The following AKT3 variants were observed in gnomAD, a reference collection of about 807,000 sequenced individuals.
AKT3 encodes the protein RAC-gamma serine/threonine-protein kinase.
A neutral mutation model predicts 65.3 loss-of-function variants in AKT3; 15 were observed. The ratio of observed to expected loss-of-function variants is 0.23; its 90% CI spans 0.15 to 0.35. The LOEUF (loss-of-function observed/expected upper bound fraction) is 0.35. AKT3 is among the 10% of genes least tolerant of loss of function. The pLI, the probability that AKT3 is intolerant of heterozygous loss-of-function variation, is 1.00. For synonymous variants in AKT3, 206 were observed against 183.8 expected, an observed-to-expected ratio of 1.12 and a Z score of -0.98; for missense variants, 243 against 576.5, an observed-to-expected ratio of 0.42 and a Z score of 5.92.
chr1:243,849,983 C>G, intron 1 of AKT3, 57 bp downstream of exon 1: 1 of 972,328 alleles, frequency 1.0e-6, no homozygotes, highest in Non-Finnish European at 1.2e-6. Context: ...GCCCGGGGCC[C>G]GGAGGGAGTG....
chr1:243,676,290 A>C (rs949112530), intron 3 of AKT3, among the ~76,000 whole-genome samples: 1 of 152,202 alleles, frequency 6.6e-6, no homozygotes, highest in Non-Finnish European at 1.5e-5. Flanking sequence ...TCACAGCTGG[A>C]GGGATTCCAC....
chr1:243,701,224 A>G (rs1461642563), intron 2 of AKT3, among the ~76,000 whole-genome samples: 4 of 152,238 alleles, frequency 2.6e-5, no homozygotes, highest in African/African-American at 9.6e-5. Context: ...TAACTAAGGA[A>G]TATCTAGATT....
At chr1:243,660,169 G>A (rs1572122198) in intron 4 of AKT3, among the ~76,000 whole-genome samples, 1 of 151,896 alleles carries the variant, frequency 6.6e-6, no homozygotes, top group South Asian at 2.1e-4. Context: ...CCTGTTATTG[G>A]TCTATTCAGA....
rs957424207 is a variant in AKT3, at chr1:243,642,302, CTTTT to C, written c.429+3587_429+3590del. Among the ~76,000 whole-genome samples the C allele has an allele frequency of 2.0e-5, 3 of 152,032 alleles. No homozygotes were observed. In the South Asian group the frequency reaches 6.3e-4, roughly 32 times the overall value. On this transcript the variant is annotated intron_variant, in intron 5 of 13. Transcript: ENST00000673466. Reference sequence around the variant, plus strand: ...GTTATGGAAAAAGATACAGTAAGTCCTTTTTTTTGTTTGTTTGTTTGTTTTGAGA... The same window carrying C: ...GTTATGGAAAAAGATACAGTAAGTCCTTTTGTTTGTTTGTTTGTTTTGAGA...
At chr1:243,810,604 A>G (rs1470888407) in intron 2 of AKT3, among the ~76,000 whole-genome samples, 2 of 152,156 alleles carry the variant, frequency 1.3e-5, no homozygotes, top group Non-Finnish European at 2.9e-5. Context: ...GGTACAAGGA[A>G]GAGCTGGCAC....
intron 2 of AKT3, among the ~76,000 whole-genome samples, chr1:243,731,973 T>G (rs1334848361): frequency 1.3e-5 from 2 of 152,240 alleles, no homozygotes; most frequent in African/African-American, 2.4e-5. Flanking sequence ...ACAATTTGTG[T>G]CATATTCACA....
chr1:243,600,643 T>C (rs529848032), intron 8 of AKT3, among the ~76,000 whole-genome samples: 72 of 152,228 alleles, frequency 4.7e-4, no homozygotes, highest in African/African-American at 1.7e-3. Flanking sequence ...TGTAGCAGTA[T>C]ACATTAAAAT....
At chr1:243,566,651 G>A (rs1288830901) in intron 9 of AKT3, among the ~76,000 whole-genome samples, 2 of 152,104 alleles carry the variant, frequency 1.3e-5, no homozygotes, top group Non-Finnish European at 2.9e-5. Flanking sequence ...CTTATTCACT[G>A]TGTGACCTTG....
intron 2 of AKT3, among the ~76,000 whole-genome samples, chr1:243,728,989 G>A (rs1203639343): frequency 1.3e-5 from 2 of 152,164 alleles, no homozygotes; most frequent in Admixed American, 1.3e-4. Flanking sequence ...CCAAGGTTGG[G>A]TTTCAAGAAT....
intron 2 of AKT3, among the ~76,000 whole-genome samples, chr1:243,741,318 ACCCATTT>A (rs1314042769): frequency 6.6e-6 from 1 of 152,164 alleles, no homozygotes; most frequent in African/African-American, 2.4e-5. Flanking sequence ...ACACTGAATC[ACCCATTT>A]CCAGTAACAC....
intron 2 of AKT3, among the ~76,000 whole-genome samples, chr1:243,824,528 A>C (rs1321495522): frequency 6.6e-6 from 1 of 152,194 alleles, no homozygotes; most frequent in East Asian, 1.9e-4. Context: ...GCTAATATTC[A>C]GAATCTACAA....
chr1:243,505,714 T>C (rs940331244), intron 13 of AKT3, among the ~76,000 whole-genome samples: 1 of 104,696 alleles, frequency 9.6e-6, no homozygotes, highest in African/African-American at 2.9e-5. Flanking sequence ...CCAAAGTCTG[T>C]ATAGAATTCA....
intron 2 of AKT3, among the ~76,000 whole-genome samples, chr1:243,719,553 G>A (rs1430147422): frequency 4.6e-5 from 7 of 152,172 alleles, no homozygotes; most frequent in Admixed American, 4.6e-4. Context: ...TGAAGGTAAT[G>A]CTGGCTGCTG....
At chr1:243,659,054 GTGTTATATACATACAA>G (rs1682056696) in intron 4 of AKT3, among the ~76,000 whole-genome samples, 1 of 151,714 alleles carries the variant, frequency 6.6e-6, no homozygotes, top group Non-Finnish European at 1.5e-5. Context: ...GAAGGCAATT[GTGTTATATACATACAA>G]TGGAATATTA....
chr1:243,762,181 T>A (rs538068412), intron 2 of AKT3, among the ~76,000 whole-genome samples: 2 of 152,142 alleles, frequency 1.3e-5, no homozygotes, highest in South Asian at 2.1e-4. Flanking sequence ...ATTAAAGTTA[T>A]CTTTCATTCC....
intron 2 of AKT3, among the ~76,000 whole-genome samples, chr1:243,701,871 A>G (rs570360869): frequency 3.9e-5 from 6 of 152,224 alleles, no homozygotes; most frequent in Non-Finnish European, 5.9e-5. Flanking sequence ...TTTTATCATA[A>G]AGCTAAAACA....
At chr1:243,621,474 C>G (rs1351105934) in intron 6 of AKT3, among the ~76,000 whole-genome samples, 1 of 152,134 alleles carries the variant, frequency 6.6e-6, no homozygotes, top group Non-Finnish European at 1.5e-5. Context: ...ATCTCCAGGA[C>G]TCAGTCCTCA....
intron 2 of AKT3, among the ~76,000 whole-genome samples, chr1:243,716,028 T>C (rs1395191899): frequency 1.3e-5 from 2 of 152,136 alleles, no homozygotes; most frequent in Non-Finnish European, 2.9e-5. Flanking sequence ...TGAAACCATT[T>C]TGATTATATC....
At chr1:243,776,863 C>T (rs1490483805) in intron 2 of AKT3, among the ~76,000 whole-genome samples, 2 of 152,052 alleles carry the variant, frequency 1.3e-5, no homozygotes, top group Non-Finnish European at 1.5e-5. Flanking sequence ...TTAAGGAATT[C>T]GTATATCTAA....
Sources: allele counts gnomAD v4.1 joint callset (sites outside exome capture counted in the v4.1 genomes callset), GRCh38; gene constraint gnomAD v4.1.1; transcripts MANE v1.5; gene names NCBI Gene and HGNC (gene_info 2026-07-23, HGNC 2026-07-21).